Variants in PRMT8 observed in about 807,000 individuals in gnomAD.
PRMT8 encodes protein arginine N-methyltransferase 8.
PRMT8 carries 7 observed loss-of-function variants against 47.1 expected under a neutral mutation model. The observed-to-expected ratio is 0.15, with a 90% CI of 0.08 to 0.28. PRMT8 has a LOEUF of 0.28. Ranked by LOEUF, PRMT8 falls within the 10% of genes least tolerant of loss-of-function variation. The pLI, the probability that PRMT8 is intolerant of heterozygous loss-of-function variation, is 1.00. For missense variants in PRMT8, 237 were observed against 505.4 expected, an observed-to-expected ratio of 0.47 and a Z score of 5.09; for synonymous variants, 188 against 186.5, an observed-to-expected ratio of 1.01 and a Z score of -0.07.
At chr12:3,545,816 A>T (rs1427856619) in intron 2 of PRMT8, among the ~76,000 whole-genome samples, 1 of 152,254 alleles carries the variant, frequency 6.6e-6, no homozygotes, top group Non-Finnish European at 1.5e-5. Flanking sequence ...GCACAAAAAA[A>T]ATCGGTAAGA....
chr12:3,452,569 C>A (rs867480639), intron 1 of PRMT8, among the ~76,000 whole-genome samples: 4 of 152,200 alleles, frequency 2.6e-5, no homozygotes, highest in African/African-American at 7.2e-5. Context: ...CTTTTGGTCC[C>A]TTCCAGGTCT....
intron 1 of PRMT8, among the ~76,000 whole-genome samples, chr12:3,414,616 C>G (rs974141416): frequency 2.0e-5 from 3 of 152,140 alleles, no homozygotes; most frequent in African/African-American, 7.2e-5. Context: ...CCCTCAATAT[C>G]TGGGTTCTTG....
chr12:3,443,372 C>T (rs1373018758), intron 1 of PRMT8, among the ~76,000 whole-genome samples: 1 of 152,208 alleles, frequency 6.6e-6, no homozygotes, highest in Non-Finnish European at 1.5e-5. Context: ...TCTCTCCCCT[C>T]CACCCGATTA....
chr12:3,464,534 A>G (rs1865072653), intron 1 of PRMT8, among the ~76,000 whole-genome samples: 1 of 152,128 alleles, frequency 6.6e-6, no homozygotes, highest in Admixed American at 6.5e-5. Flanking sequence ...TTTTCCAAGT[A>G]CACATGCATT....
chr12:3,481,486 C>T (rs1460643802), intron 1 of PRMT8, among the ~76,000 whole-genome samples: 3 of 152,196 alleles, frequency 2.0e-5, no homozygotes, highest in Non-Finnish European at 4.4e-5. Flanking sequence ...GAACTCTGAA[C>T]ACAGGGAGTG....
intron 1 of PRMT8, among the ~76,000 whole-genome samples, chr12:3,463,934 C>G (rs1198498781): frequency 1.3e-5 from 2 of 152,298 alleles, no homozygotes; most frequent in African/African-American, 4.8e-5. Context: ...TGAGGATTCT[C>G]ATAGCAAAGT....
intron 4 of PRMT8, among the ~76,000 whole-genome samples, chr12:3,554,403 C>T (rs1180404384): frequency 3.3e-5 from 5 of 152,212 alleles, no homozygotes; most frequent in Non-Finnish European, 7.3e-5. Flanking sequence ...GCCCTGTGCT[C>T]AGTGCTGGGG....
chr12:3,389,291 C>A (rs112083502), intron 1 of PRMT8, among the ~76,000 whole-genome samples: 1 of 152,138 alleles, frequency 6.6e-6, no homozygotes, highest in South Asian at 2.1e-4. Flanking sequence ...CCAGGGTCAA[C>A]GCTGGTGACA....
At chr12:3,531,966 G>A (rs1290535139) in intron 1 of PRMT8, among the ~76,000 whole-genome samples, 2 of 152,146 alleles carry the variant, frequency 1.3e-5, no homozygotes, top group Non-Finnish European at 2.9e-5. Context: ...GCTGTCCTCG[G>A]CACTGTCAGG....
At chr12:3,526,994 G>T (rs74057488) in intron 1 of PRMT8, among the ~76,000 whole-genome samples, 2,133 of 152,060 alleles carry the variant, frequency 0.014, 51 homozygotes, top group African/African-American at 0.048. Context: ...GTAATTATTG[G>T]TGCAGTTGGG....
chr12:3,542,951 G>A (rs1276718232), intron 2 of PRMT8, among the ~76,000 whole-genome samples: 1 of 152,224 alleles, frequency 6.6e-6, no homozygotes, highest in African/African-American at 2.4e-5. Flanking sequence ...CAGCACCCAG[G>A]GGAGAGGACA....
At chr12:3,418,661 T>A (rs1482082144) in intron 1 of PRMT8, among the ~76,000 whole-genome samples, 1 of 152,188 alleles carries the variant, frequency 6.6e-6, no homozygotes, top group Non-Finnish European at 1.5e-5. Context: ...TGACTCTAGC[T>A]ACCTCACCCC....
At chr12:3,571,913 T>G (rs117702335) in intron 6 of PRMT8, among the ~76,000 whole-genome samples, 3,205 of 152,256 alleles carry the variant, frequency 0.021, 37 homozygotes, top group Non-Finnish European at 0.031. Context: ...TTGTAAGCAA[T>G]TTTCTATTGG....
At chr12:3,554,850 A>G (rs1420103608) in intron 4 of PRMT8, among the ~76,000 whole-genome samples, 1 of 152,102 alleles carries the variant, frequency 6.6e-6, no homozygotes, top group African/African-American at 2.4e-5. Context: ...AGCCCTTGCC[A>G]TGCTCCCTGC....
chr12:3,450,853 C>G (rs1864908797), intron 1 of PRMT8, among the ~76,000 whole-genome samples: 1 of 152,072 alleles, frequency 6.6e-6, no homozygotes. Context: ...CTTTCTTTTG[C>G]TTCTGCAAGC....
At chr12:3,389,135 T>G (rs538155217) in intron 1 of PRMT8, among the ~76,000 whole-genome samples, 2 of 152,256 alleles carry the variant, frequency 1.3e-5, no homozygotes, top group South Asian at 4.2e-4. Flanking sequence ...TCCTTCTGGG[T>G]TCTTTCATAA....
At chr12:3,531,873 G>A (rs183494587) in intron 1 of PRMT8, among the ~76,000 whole-genome samples, 32 of 152,346 alleles carry the variant, frequency 2.1e-4, no homozygotes, top group Non-Finnish European at 4.1e-4. Context: ...AATCTTGGTT[G>A]GCTCTGAGAT....
chr12:3,448,920 C>A (rs1331307201), intron 1 of PRMT8, among the ~76,000 whole-genome samples: 3 of 151,976 alleles, frequency 2.0e-5, no homozygotes, highest in Admixed American at 6.6e-5. Flanking sequence ...CCAGTGTGTG[C>A]TATTCCCCTC....
intron 4 of PRMT8, among the ~76,000 whole-genome samples, chr12:3,567,678 TC>T (rs950712120): frequency 6.6e-6 from 1 of 152,140 alleles, no homozygotes; most frequent in Non-Finnish European, 1.5e-5. Context: ...GGGGTGCCAA[TC>T]CCCCACACAG....
Sources: allele counts gnomAD v4.1 joint callset (sites outside exome capture counted in the v4.1 genomes callset), GRCh38; gene constraint gnomAD v4.1.1; transcripts MANE v1.5; gene names NCBI Gene and HGNC (gene_info 2026-07-23, HGNC 2026-07-21).